The following TSHR variants were observed in gnomAD, a reference collection of about 807,000 sequenced individuals.
TSHR encodes thyrotropin receptor.
TSHR carries 51 observed loss-of-function variants against 64.1 expected under a neutral mutation model. The ratio of observed to expected loss-of-function variants is 0.80; its 90% CI spans 0.64 to 1.01. The LOEUF is 1.01. Among genes scored for constraint, TSHR ranks in the 50% least tolerant of loss-of-function variants. TSHR has a pLI of 0.00. For missense variants in TSHR, 877 were observed against 942.8 expected, an observed-to-expected ratio of 0.93 and a Z score of 0.91; for synonymous variants, 361 against 361.9, an observed-to-expected ratio of 1.00 and a Z score of 0.03.
intron 1 of TSHR, among the ~76,000 whole-genome samples, chr14:81,037,934 C>CAAAAAAA (rs561276007): frequency 0.13 from 18,250 of 141,892 alleles, 1,404 homozygotes; most frequent in Non-Finnish European, 0.18. Context: ...TGAAAATCAG[C>CAAAAAAA]AAAAAAAAAA....
intron 1 of TSHR, among the ~76,000 whole-genome samples, chr14:80,984,964 C>T (rs1182948711): frequency 5.3e-5 from 8 of 151,996 alleles, no homozygotes; most frequent in Non-Finnish European, 1.2e-4. Context: ...AAGGTAATTG[C>T]TTTTGGCCGG....
At chr14:80,969,753 A>G (rs1325396509) in intron 1 of TSHR, among the ~76,000 whole-genome samples, 1 of 152,228 alleles carries the variant, frequency 6.6e-6, no homozygotes, top group East Asian at 1.9e-4. Context: ...ATTCACCGCA[A>G]ACCAGAGTAA....
At chr14:81,067,483 T>TATATATATATATATATATATATATA (rs10528933) in intron 2 of TSHR, among the ~76,000 whole-genome samples, 6 of 134,966 alleles carry the variant, frequency 4.4e-5, no homozygotes, top group Admixed American at 2.2e-4. Context: ...GTTTATAGTT[T>TATATATATATATATATATATATATA]TATATATATA....
intron 1 of TSHR, among the ~76,000 whole-genome samples, chr14:81,057,634 A>C (rs1885916802): frequency 6.6e-6 from 1 of 152,192 alleles, no homozygotes; most frequent in Non-Finnish European, 1.5e-5. Flanking sequence ...GGTACACCTC[A>C]GTGAAATACT....
intron 7 of TSHR, among the ~76,000 whole-genome samples, chr14:81,101,622 A>G (rs537960307): frequency 6.6e-6 from 1 of 152,220 alleles, no homozygotes; most frequent in Non-Finnish European, 1.5e-5. Flanking sequence ...AGGTGGCCAC[A>G]GCCTATTCCA....
chr14:81,019,457 CTTT>C lies in TSHR; in HGVS notation c.171-42674_171-42672del, dbSNP rs1166193901. On this transcript the variant is annotated intron_variant, in intron 1 of 9. Coordinates refer to ENST00000298171, the MANE Select transcript of TSHR (RefSeq NM_000369.5). ...TGTTAGTGCAAGCAAATCATCAATT[CTTT>C]TTTTTTTTTTTTTTTTGTATTTAAG... is the stretch of plus-strand genomic sequence containing the variant. 4.8e-3 allele frequency among the ~76,000 whole-genome samples: 568 copies of C among 118,366 alleles called. 3 individuals are homozygous for C. Among genetic ancestry groups the C allele is most frequent in the Non-Finnish European group, 8.3e-3 (466 of 55,816 alleles). 77.7% of individuals were successfully genotyped at this position (118,366 alleles called of 152,430 possible). A position where few individuals can be genotyped will look rare whatever the true frequency, so the allele number is the denominator to read the frequency against.
intron 1 of TSHR, among the ~76,000 whole-genome samples, chr14:80,973,144 G>A (rs1351532883): frequency 6.6e-6 from 1 of 151,992 alleles, no homozygotes; most frequent in Non-Finnish European, 1.5e-5. Context: ...GGTGGCTCAC[G>A]CCTGTAATCC....
intron 1 of TSHR, among the ~76,000 whole-genome samples, chr14:81,036,931 T>A (rs1477269089): frequency 6.6e-6 from 1 of 151,888 alleles, no homozygotes; most frequent in African/African-American, 2.4e-5. Flanking sequence ...TCACCTGAGG[T>A]CAGAAGTTTG....
intron 1 of TSHR, among the ~76,000 whole-genome samples, chr14:81,011,665 T>C (rs1030890888): frequency 6.6e-6 from 1 of 152,126 alleles, no homozygotes; most frequent in Admixed American, 6.5e-5. Context: ...GCAATACTTA[T>C]GGCCTAAAAG....
chr14:81,106,335 A>AT (rs553776695), intron 7 of TSHR, among the ~76,000 whole-genome samples: 39 of 152,160 alleles, frequency 2.6e-4, no homozygotes, highest in South Asian at 8.3e-4. Flanking sequence ...ACTCTTTATG[A>AT]TTTTTTCTTT....
Position 81,116,642 on chromosome 14 carries a change from G to C in TSHR, c.692+8190G>C, listed in dbSNP as rs902310207. Among the ~76,000 whole-genome samples the C allele has an allele frequency of 1.9e-3, 279 of 145,894 alleles. 23 individuals are homozygous for C. Among genetic ancestry groups the C allele is most frequent in the African/African-American group, 6.9e-3 (256 of 37,290 alleles). ...ATCAACGAGACAGAAAGTTAACAAG[G>C]ATACCCAGGAATTGAACTCAGCTCT... On this transcript the variant is annotated intron_variant, in intron 8 of 9. Coordinates refer to ENST00000298171, the MANE Select transcript of TSHR (RefSeq NM_000369.5).
At chr14:80,967,622 A>G (rs993926127) in intron 1 of TSHR, among the ~76,000 whole-genome samples, 3 of 152,198 alleles carry the variant, frequency 2.0e-5, no homozygotes, top group African/African-American at 7.2e-5. Flanking sequence ...CACCCTAGCT[A>G]CTATGTTTCT....
intron 8 of TSHR, among the ~76,000 whole-genome samples, chr14:81,135,761 T>C (rs559582713): frequency 3.9e-5 from 6 of 152,128 alleles, no homozygotes; most frequent in Non-Finnish European, 5.9e-5. Context: ...TTGAGATATT[T>C]TGAGTGGAGA....
At chr14:81,130,773 T>C (rs1206390097) in intron 8 of TSHR, among the ~76,000 whole-genome samples, 2 of 91,096 alleles carry the variant, frequency 2.2e-5, no homozygotes, top group Non-Finnish European at 3.8e-5. Context: ...GGGTGGATCA[T>C]GAGGTCAGGA....
intron 7 of TSHR, among the ~76,000 whole-genome samples, chr14:81,100,328 CT>C: frequency 6.6e-6 from 1 of 152,246 alleles, no homozygotes; most frequent in South Asian, 2.1e-4. Flanking sequence ...GTTCTACAGA[CT>C]TTTGAGGGGA....
intron 3 of TSHR, among the ~76,000 whole-genome samples, chr14:81,068,680 C>A (rs1294533693): frequency 6.6e-6 from 1 of 152,138 alleles, no homozygotes. Flanking sequence ...ACAAAGCTGG[C>A]ATATTTTCCT....
At chr14:80,974,847 T>C (rs988612871) in intron 1 of TSHR, among the ~76,000 whole-genome samples, 3 of 152,214 alleles carry the variant, frequency 2.0e-5, no homozygotes, top group African/African-American at 7.2e-5. Context: ...TATAAAGCTA[T>C]GTCAGCTAAA....
At chr14:81,014,799 T>C (rs369355984) in intron 1 of TSHR, among the ~76,000 whole-genome samples, 1 of 152,362 alleles carries the variant, frequency 6.6e-6, no homozygotes, top group East Asian at 1.9e-4. Context: ...AGTTATTTCC[T>C]AAATGCCTTC....
intron 1 of TSHR, among the ~76,000 whole-genome samples, chr14:81,000,601 A>G (rs544369887): frequency 1.3e-3 from 190 of 151,842 alleles, no homozygotes; most frequent in African/African-American, 4.6e-3. Context: ...CATGGGTCGC[A>G]GTCAGACTCC....
Sources: gnomAD v4.1 joint callset for allele counts (sites outside exome capture counted in the v4.1 genomes callset) on GRCh38, gnomAD v4.1.1 for gene constraint, MANE v1.5 for transcripts, NCBI Gene and HGNC (gene_info 2026-07-23, HGNC 2026-07-21) for gene names.